Variants in SIPA1L1 observed in about 807,000 individuals in gnomAD.
SIPA1L1 encodes signal induced proliferation associated 1 like 1.
Under a neutral mutation model 162.7 loss-of-function variants are expected in SIPA1L1, and 26 were observed. The observed-to-expected ratio is 0.16, with a 90% CI of 0.12 to 0.22. SIPA1L1 has a LOEUF of 0.22. Among genes scored for constraint, SIPA1L1 ranks in the 10% least tolerant of loss-of-function variants. The probability of loss-of-function intolerance (pLI) is 1.00; values close to 1 mark genes in which losing one functional copy is unlikely to be tolerated. For synonymous variants in SIPA1L1, 829 were observed against 837.4 expected (o/e 0.99, Z 0.17); for missense variants, 1,874 against 2,241.0 (o/e 0.84, Z 3.31).
At chr14:71,422,381 A>C (rs905914687) in intron 2 of SIPA1L1, among the ~76,000 whole-genome samples, 2 of 152,206 alleles carry the variant, frequency 1.3e-5, no homozygotes, top group African/African-American at 2.4e-5. Context: ...TATTAAATAC[A>C]TTAATAATGT....
intron 2 of SIPA1L1, among the ~76,000 whole-genome samples, chr14:71,375,703 A>T (rs1282894570): frequency 1.3e-5 from 2 of 152,048 alleles, no homozygotes; most frequent in Non-Finnish European, 2.9e-5. Context: ...TATTGGTTTT[A>T]GCTTTTTGTA....
chr14:71,635,049 G>A (rs1297913061), intron 7 of SIPA1L1, among the ~76,000 whole-genome samples: 1 of 152,068 alleles, frequency 6.6e-6, no homozygotes, highest in South Asian at 2.1e-4. Flanking sequence ...AGGCCGAGGC[G>A]GGTGGGTCAC....
At chr14:71,555,312 T>C (rs777855666) in intron 4 of SIPA1L1, among the ~76,000 whole-genome samples, 4 of 152,252 alleles carry the variant, frequency 2.6e-5, no homozygotes, top group African/African-American at 4.8e-5. Flanking sequence ...TTTCATGTTA[T>C]GGAGACAGCT....
At chr14:71,666,136 A>C (rs966216957) in intron 10 of SIPA1L1, among the ~76,000 whole-genome samples, 3 of 152,224 alleles carry the variant, frequency 2.0e-5, no homozygotes, top group Non-Finnish European at 4.4e-5. Flanking sequence ...TATGTGCCTC[A>C]TAATGGAAGA....
intron 17 of SIPA1L1, among the ~76,000 whole-genome samples, chr14:71,721,242 G>A (rs541678235): frequency 3.3e-5 from 5 of 152,296 alleles, no homozygotes; most frequent in East Asian, 1.9e-4. Flanking sequence ...CAGGATAAGG[G>A]AGAATTCTCT....
intron 2 of SIPA1L1, among the ~76,000 whole-genome samples, chr14:71,356,586 A>AAAAAAAAAAAAAAAAAAAC (rs1323653711): frequency 6.8e-6 from 1 of 147,294 alleles, no homozygotes; most frequent in Non-Finnish European, 1.5e-5. Flanking sequence ...AAAAAAAAAA[A>AAAAAAAAAAAAAAAAAAAC]AGCACACCTG....
At chr14:71,370,604 T>C (rs892559578) in intron 2 of SIPA1L1, among the ~76,000 whole-genome samples, 2 of 152,194 alleles carry the variant, frequency 1.3e-5, no homozygotes, top group African/African-American at 4.8e-5. Flanking sequence ...TGGTGGCTAC[T>C]AAGAGCTTAT....
chr14:71,448,613 A>G (rs983602531), intron 2 of SIPA1L1: 2 of 152,250 alleles, frequency 1.3e-5, no homozygotes, highest in East Asian at 1.9e-4. Flanking sequence ...GATGTTTTGC[A>G]TTAATGTGTT....
intron 2 of SIPA1L1, among the ~76,000 whole-genome samples, chr14:71,456,029 A>T (rs985331963): frequency 2.0e-5 from 3 of 152,234 alleles, no homozygotes; most frequent in African/African-American, 7.2e-5. Context: ...TTACAGCTAA[A>T]GGGAAAAACG....
In SIPA1L1 at chr14:71,730,078, G is replaced by A; in HGVS notation, c.4638G>A (p.Gln1546=). The change falls in exon 20 of 24, where the codon CAG becomes CAA. Residue 1546 remains glutamine, a synonymous_variant. Coordinates refer to ENST00000381232, the MANE Select transcript of SIPA1L1 (RefSeq NM_001386936.1). ...SFKFHALSSP[Q]SPFPSTPTSR... ...AGTTCCACGCACTCTCCTCTCCTCA[G>A]TCTCCTTTCCCCAGCACCCCCACCT... 1 of 1,614,066 alleles carries A rather than the reference G, an allele frequency of 6.2e-7. No individual in the cohort carries two copies.
chr14:71,383,616 C>T (rs2040084295), intron 2 of SIPA1L1, among the ~76,000 whole-genome samples: 1 of 152,130 alleles, frequency 6.6e-6, no homozygotes, highest in Non-Finnish European at 1.5e-5. Context: ...GTCATTTGCT[C>T]AGCTCCTGGC....
At chr14:71,499,258 C>T (rs1226500699) in intron 2 of SIPA1L1, among the ~76,000 whole-genome samples, 2 of 152,144 alleles carry the variant, frequency 1.3e-5, no homozygotes, top group Admixed American at 6.6e-5. Context: ...GGGAGGATCA[C>T]CTGAGCCTGC....
intron 2 of SIPA1L1, among the ~76,000 whole-genome samples, chr14:71,441,045 T>A (rs950904812): frequency 5.9e-5 from 9 of 152,212 alleles, no homozygotes; most frequent in African/African-American, 1.9e-4. Flanking sequence ...TCAGACTTAC[T>A]ATTTGGGAAA....
chr14:71,324,068 C>A (rs1366228162), intron 2 of SIPA1L1, among the ~76,000 whole-genome samples: 1 of 152,186 alleles, frequency 6.6e-6, no homozygotes, highest in African/African-American at 2.4e-5. Context: ...TCTTTCTGAA[C>A]TTTACTGTTG....
intron 12 of SIPA1L1, among the ~76,000 whole-genome samples, chr14:71,676,168 C>T (rs944109365): frequency 4.0e-5 from 6 of 151,188 alleles, no homozygotes; most frequent in African/African-American, 1.5e-4. Flanking sequence ...CTGGCACATG[C>T]CTGTAGTCTC....
intron 7 of SIPA1L1, among the ~76,000 whole-genome samples, chr14:71,625,181 T>A (rs180743112): frequency 3.9e-4 from 59 of 152,334 alleles, no homozygotes; most frequent in Admixed American, 9.8e-4. Context: ...AATCAAAAAT[T>A]CAAATTTTAT....
chr14:71,486,820 ATAT>A (rs1476685305), intron 2 of SIPA1L1, among the ~76,000 whole-genome samples: 1 of 152,212 alleles, frequency 6.6e-6, no homozygotes, highest in African/African-American at 2.4e-5. Context: ...AAATCTATAA[ATAT>A]TATTCAGGGT....
chr14:71,602,233 T>A (rs980864146), intron 5 of SIPA1L1, among the ~76,000 whole-genome samples: 2 of 152,176 alleles, frequency 1.3e-5, no homozygotes, highest in African/African-American at 4.8e-5. Flanking sequence ...TTTTGCCATA[T>A]CCCATCGGTT....
At chr14:71,407,333 A>G (rs1324883240) in intron 2 of SIPA1L1, among the ~76,000 whole-genome samples, 12 of 152,148 alleles carry the variant, frequency 7.9e-5, no homozygotes, top group Non-Finnish European at 5.9e-5. Context: ...CTTTGCTTTG[A>G]TATACTGTAG....
Sources: allele counts gnomAD v4.1 joint callset (sites outside exome capture counted in the v4.1 genomes callset), GRCh38; gene constraint gnomAD v4.1.1; transcripts MANE v1.5; gene names NCBI Gene and HGNC (gene_info 2026-07-23, HGNC 2026-07-21).